Variants in GRID2 observed in about 807,000 individuals in gnomAD.
GRID2 encodes the protein glutamate receptor ionotropic, delta-2.
Under a neutral mutation model 114.8 loss-of-function variants are expected in GRID2, and 33 were observed. That is an observed-to-expected ratio of 0.29 (90% CI 0.22 to 0.38). The LOEUF (loss-of-function observed/expected upper bound fraction) is 0.38, where lower values mean the gene tolerates loss of function less well. GRID2 is among the 10% of genes least tolerant of loss of function. GRID2 has a pLI of 1.00. For missense variants in GRID2, 1,184 were observed against 1,257.7 expected (o/e 0.94, Z 0.89); for synonymous variants, 505 against 449.9 (o/e 1.12, Z -1.55).
At chr4:92,760,987 A>G (rs1737983821) in intron 2 of GRID2, among the ~76,000 whole-genome samples, 1 of 152,174 alleles carries the variant, frequency 6.6e-6, no homozygotes. Flanking sequence ...ATTAACTAAT[A>G]TCTTTATTAG....
intron 1 of GRID2, among the ~76,000 whole-genome samples, chr4:92,373,543 G>A (rs1729215604): frequency 6.6e-6 from 1 of 152,152 alleles, no homozygotes; most frequent in South Asian, 2.1e-4. Context: ...AACTACAAAT[G>A]TCACGACAAA....
intron 1 of GRID2, among the ~76,000 whole-genome samples, chr4:92,570,349 G>C (rs546641077): frequency 1.1e-4 from 17 of 151,996 alleles, no homozygotes; most frequent in Non-Finnish European, 1.8e-4. Flanking sequence ...TGCTGTTTTG[G>C]TTACTGTAGC....
intron 7 of GRID2, among the ~76,000 whole-genome samples, chr4:93,230,299 T>G (rs548217307): frequency 6.6e-6 from 1 of 152,170 alleles, no homozygotes; most frequent in East Asian, 1.9e-4. Context: ...AATTACTGGT[T>G]CTCTTGTATT....
At chr4:92,537,070 T>C (rs1038166672) in intron 1 of GRID2, among the ~76,000 whole-genome samples, 3 of 152,186 alleles carry the variant, frequency 2.0e-5, no homozygotes, top group African/African-American at 7.2e-5. Flanking sequence ...TAACCAAGCA[T>C]GAATTTACAC....
At chr4:93,127,297 A>C (rs1734363609) in intron 4 of GRID2, among the ~76,000 whole-genome samples, 1 of 152,204 alleles carries the variant, frequency 6.6e-6, no homozygotes, top group Admixed American at 6.5e-5. Flanking sequence ...GCATTTAATC[A>C]GTAAGTTTGT....
intron 2 of GRID2, among the ~76,000 whole-genome samples, chr4:93,059,475 G>C (rs1727571343): frequency 6.6e-6 from 1 of 152,028 alleles, no homozygotes; most frequent in African/African-American, 2.4e-5. Context: ...TCTCAGTCCT[G>C]ATGCATTAAA....
intron 2 of GRID2, among the ~76,000 whole-genome samples, chr4:92,970,904 G>T (rs759568177): frequency 6.6e-6 from 1 of 151,766 alleles, no homozygotes; most frequent in Non-Finnish European, 1.5e-5. Context: ...CTGGTAAGTA[G>T]TGTGTTAATT....
chr4:93,717,114 T>C (rs898632916), intron 14 of GRID2, among the ~76,000 whole-genome samples: 1 of 152,178 alleles, frequency 6.6e-6, no homozygotes, highest in Non-Finnish European at 1.5e-5. Context: ...GTTCTTTCCA[T>C]CACTTCCTTT....
chr4:92,865,768 A>G (rs187797577), intron 2 of GRID2, among the ~76,000 whole-genome samples: 233 of 152,358 alleles, frequency 1.5e-3, no homozygotes, highest in African/African-American at 5.3e-3. Flanking sequence ...GACTGACTGA[A>G]TAATATTTCG....
chr4:92,686,168 A>G (rs1362265184), intron 2 of GRID2, among the ~76,000 whole-genome samples: 2 of 152,044 alleles, frequency 1.3e-5, no homozygotes, highest in Non-Finnish European at 2.9e-5. Flanking sequence ...AGTTAGCTGG[A>G]GGGAATTTCA....
chr4:92,586,107 G>C (rs970501371), intron 1 of GRID2, among the ~76,000 whole-genome samples: 1 of 151,672 alleles, frequency 6.6e-6, no homozygotes. Flanking sequence ...CACAGTGTAA[G>C]TATAAAAATA....
At chr4:93,245,310 T>G (rs1172480106) in intron 8 of GRID2, among the ~76,000 whole-genome samples, 3 of 152,150 alleles carry the variant, frequency 2.0e-5, no homozygotes, top group African/African-American at 7.2e-5. Context: ...CAGCCTTGTT[T>G]TTCTTCTATT....
intron 2 of GRID2, among the ~76,000 whole-genome samples, chr4:92,815,183 A>T (rs1054001840): frequency 1.2e-4 from 18 of 152,210 alleles, no homozygotes; most frequent in African/African-American, 4.3e-4. Context: ...TTTCTCCATC[A>T]TATTCTTATT....
Position 92,967,672 on chromosome 4 carries a change from T to C in GRID2, c.245-117323T>C, listed in dbSNP as rs530083358. Among the ~76,000 whole-genome samples the C allele has an allele frequency of 1.8e-4, 27 of 152,118 alleles. No homozygotes were observed. The East Asian group carries it at 5.2e-3, about 29-fold the overall frequency. ...ATTCAACTGTGATGTATTTTAGTTC[T>C]ATAATGAAAATAAAGATGAGCTGTC... On this transcript the variant is annotated intron_variant, in intron 2 of 15. Coordinates refer to ENST00000282020, the MANE Select transcript of GRID2 (RefSeq NM_001510.4).
intron 12 of GRID2, among the ~76,000 whole-genome samples, chr4:93,506,171 C>T (rs558865123): frequency 6.6e-6 from 1 of 152,214 alleles, no homozygotes; most frequent in Non-Finnish European, 1.5e-5. Flanking sequence ...AGGGCATCTA[C>T]TTTACATAAA....
At chr4:92,765,414 A>G (rs886851128) in intron 2 of GRID2, among the ~76,000 whole-genome samples, 5 of 152,102 alleles carry the variant, frequency 3.3e-5, no homozygotes, top group African/African-American at 1.2e-4. Context: ...ATGGGTAAGG[A>G]TAATGGAAAT....
At chr4:93,304,537 A>G (rs948309805) in intron 8 of GRID2, among the ~76,000 whole-genome samples, 26 of 152,154 alleles carry the variant, frequency 1.7e-4, no homozygotes, top group African/African-American at 5.8e-4. Context: ...GAAAAAAACA[A>G]TGTTGCTTTT....
chr4:92,321,026 A>G (rs918682376), intron 1 of GRID2, among the ~76,000 whole-genome samples: 55 of 152,324 alleles, frequency 3.6e-4, no homozygotes, highest in African/African-American at 1.3e-3. Context: ...TTCATATTGA[A>G]TGTATAATTC....
At chr4:93,585,058 G>A (rs1737390968) in intron 13 of GRID2, among the ~76,000 whole-genome samples, 1 of 152,076 alleles carries the variant, frequency 6.6e-6, no homozygotes, top group African/African-American at 2.4e-5. Context: ...CCTCCAGAAA[G>A]TCAACAAGCA....
Sources: gnomAD v4.1 joint callset for allele counts (sites outside exome capture counted in the v4.1 genomes callset) on GRCh38, gnomAD v4.1.1 for gene constraint, MANE v1.5 for transcripts, NCBI Gene and HGNC (gene_info 2026-07-23, HGNC 2026-07-21) for gene names.